Variants in CCDC13 observed in about 807,000 individuals in gnomAD.
CCDC13 encodes the protein coiled-coil domain-containing protein 13.
In CCDC13, 70 loss-of-function variants were observed where a neutral mutation model predicts 87.3. That is an observed-to-expected ratio of 0.80 (90% CI 0.66 to 0.98). CCDC13 has a LOEUF of 0.98. CCDC13 is among the 50% of genes least tolerant of loss of function. CCDC13 has a pLI of 0.00. For synonymous variants in CCDC13, 317 were observed against 360.3 expected, an observed-to-expected ratio of 0.88 and a Z score of 1.36; for missense variants, 842 against 892.0, an observed-to-expected ratio of 0.94 and a Z score of 0.71.
In CCDC13 at chr3:42,730,379, T is replaced by C. The variant is rs2125881286; in HGVS notation, c.1718+88A>G. The C allele has an allele frequency of 2.6e-6, 4 of 1,541,296 alleles. No individual in the cohort carries two copies. In the East Asian group the frequency reaches 6.9e-5, roughly 27 times the overall value. Reference sequence around the variant, plus strand: ...CAACACTGGGAGCCGAGCTCTCAGGTGAGGAGGACCCAGTCATAAATGAGG... The same window carrying C: ...CAACACTGGGAGCCGAGCTCTCAGGCGAGGAGGACCCAGTCATAAATGAGG... On this transcript the variant is annotated intron_variant, in intron 13 of 15. Transcript: ENST00000310232.
chr3:42,712,683 G>A (rs1339819750), intron 14 of CCDC13, among the ~76,000 whole-genome samples: 1 of 152,164 alleles, frequency 6.6e-6, no homozygotes, highest in Non-Finnish European at 1.5e-5. Context: ...TGAGAACAGT[G>A]GAGCCACAAA....
At chr3:42,704,216 GTA>G (rs1698112830), downstream of CCDC13, 1 of 152,354 alleles carries the variant, frequency 6.6e-6, no homozygotes, top group Non-Finnish European at 1.5e-5. Flanking sequence ...AGGAAGCCAA[GTA>G]GTTGGATCAG....
In CCDC13 at chr3:42,730,506, C is replaced by G. The variant is rs1203828378; in HGVS notation, c.1679G>C (p.Arg560Pro). ...KALWQAAEVE[R>P]DRLTEFVTVL... ...AGTGACAAACTCGGTGAGCCGGTCA[C>G]GCTCCACCTCGGCAGCCTGCCAGAG... The change falls in exon 13 of 16, where the codon CGT becomes CCT. Residue 560 changes from arginine to proline, a missense_variant. Coordinates refer to ENST00000310232, the MANE Select transcript of CCDC13 (RefSeq NM_144719.4). 6.2e-7 allele frequency: 1 copy of G among 1,614,030 alleles called. No homozygotes were observed. The highest frequency in any genetic ancestry group is 1.3e-5 in the African/African-American group (1 of 74,934).
At chr3:42,729,112 C>T (rs1010945633) in intron 13 of CCDC13, among the ~76,000 whole-genome samples, 2 of 152,206 alleles carry the variant, frequency 1.3e-5, no homozygotes, top group African/African-American at 2.4e-5. Flanking sequence ...TGAGAAAGCA[C>T]AAACCATTGT....
intron 9 of CCDC13, among the ~76,000 whole-genome samples, chr3:42,736,711 G>A (rs891067091): frequency 6.6e-6 from 1 of 152,062 alleles, no homozygotes; most frequent in Admixed American, 6.6e-5. Context: ...ATCATGTAAA[G>A]TGATCATGAA....
chr3:42,729,248 G>C (rs1354039734), intron 13 of CCDC13, among the ~76,000 whole-genome samples: 2 of 152,160 alleles, frequency 1.3e-5, no homozygotes, highest in African/African-American at 4.8e-5. Flanking sequence ...CATTGAGTAT[G>C]TTTCTACTAC....
intron 10 of CCDC13, 115 bp downstream of exon 10, chr3:42,735,592 G>A (rs1698982234): frequency 4.6e-6 from 5 of 1,097,814 alleles, no homozygotes; most frequent in Admixed American, 3.7e-5. Flanking sequence ...GGCCAAAGTG[G>A]AGCCAGGAAG....
chr3:42,742,129 A>T (rs1403088641), intron 8 of CCDC13, among the ~76,000 whole-genome samples: 7 of 152,182 alleles, frequency 4.6e-5, no homozygotes, highest in Non-Finnish European at 8.8e-5. Flanking sequence ...TCATCCCCTC[A>T]AACCTTGGGG....
rs1341865735 is a variant in CCDC13, at chr3:42,733,504, C to CT, written c.1476dup (p.Ala493SerfsTer40). 6.2e-7 allele frequency: 1 copy of CT among 1,614,156 alleles called. No individual in the cohort carries two copies. Among genetic ancestry groups the CT allele is most frequent in the Non-Finnish European group, 8.5e-7 (1 of 1,180,036 alleles). On this transcript the variant is annotated frameshift_variant, in exon 11 of 16. Coordinates refer to ENST00000310232, the MANE Select transcript of CCDC13 (RefSeq NM_144719.4). LOFTEE classifies it high-confidence loss of function. ...CCAAGCCTGCCAACATGATCGCCTGCTGAGGCCGGGGACTTGGTCAGGCCT... is the reference window on the plus strand; with the variant it reads ...CCAAGCCTGCCAACATGATCGCCTGCTTGAGGCCGGGGACTTGGTCAGGCCT...
chr3:42,771,625 T>C (rs1700111494), intron 1 of CCDC13, among the ~76,000 whole-genome samples: 1 of 152,064 alleles, frequency 6.6e-6, no homozygotes, highest in South Asian at 2.1e-4. Context: ...CATGGTGGCA[T>C]GTGCCTGTGT....
intron 1 of CCDC13, among the ~76,000 whole-genome samples, chr3:42,761,676 G>A (rs1699834325): frequency 6.6e-6 from 1 of 152,306 alleles, no homozygotes; most frequent in African/African-American, 2.4e-5. Flanking sequence ...AGACTCCTGT[G>A]CAAAAAGCTT....
At chr3:42,744,632 C>T (rs1699336532) in intron 7 of CCDC13, among the ~76,000 whole-genome samples, 1 of 151,486 alleles carries the variant, frequency 6.6e-6, no homozygotes, top group Non-Finnish European at 1.5e-5. Flanking sequence ...AGTGAAACCT[C>T]GTCTCTACTA....
Position 42,758,362 on chromosome 3 carries a change from G to A in CCDC13, c.-6-11C>T. On this transcript the variant is annotated splice_polypyrimidine_tract_variant and intron_variant, in intron 1 of 15. Transcript: ENST00000310232. ...TGCTGCCATCCTGCCCTAGGCATCA[G>A]AAATGAAGCCTCAGCTGAAGCAAAC... 1 of 1,610,826 alleles carries A rather than the reference G, an allele frequency of 6.2e-7. No individual in the cohort carries two copies. The highest frequency in any genetic ancestry group is 8.5e-7 in the Non-Finnish European group (1 of 1,179,592).
chr3:42,764,355 T>TG (rs995326354), intron 1 of CCDC13, among the ~76,000 whole-genome samples: 20 of 152,178 alleles, frequency 1.3e-4, no homozygotes, highest in Admixed American at 8.5e-4. Flanking sequence ...TTCAGATGGA[T>TG]GGGGGGCCTC....
intron 1 of CCDC13, among the ~76,000 whole-genome samples, chr3:42,766,949 C>T (rs557597612): frequency 5.7e-4 from 87 of 152,248 alleles, no homozygotes; most frequent in African/African-American, 2.0e-3. Flanking sequence ...ACAGCTACCA[C>T]CATACTTAGC....
intron 12 of CCDC13, 38 bp downstream of exon 12, chr3:42,732,849 G>GA (rs779679755): frequency 6.6e-7 from 1 of 1,524,486 alleles, no homozygotes; most frequent in South Asian, 1.2e-5. Flanking sequence ...TCAAGAATGG[G>GA]AAAAAACTGT....
At position 42,732,995 on chromosome 3, in the gene CCDC13, T is replaced by A. The variant is rs1168521198; in HGVS notation, c.1512-25A>T. 3 of 1,547,128 alleles carry A rather than the reference T, an allele frequency of 1.9e-6. No homozygotes were observed. The Admixed American group carries it at 5.9e-5, about 31-fold the overall frequency. Reference sequence around the variant, plus strand: ...GCTGTGTAAAGGCGGAAGGGGCCCATCAGCCTGGGAAGGCAGACCAGGCCC... The same window carrying A: ...GCTGTGTAAAGGCGGAAGGGGCCCAACAGCCTGGGAAGGCAGACCAGGCCC... On this transcript the variant is annotated intron_variant, in intron 11 of 15. Coordinates refer to ENST00000310232, the MANE Select transcript of CCDC13 (RefSeq NM_144719.4).
intron 14 of CCDC13, among the ~76,000 whole-genome samples, chr3:42,710,353 T>C (rs1698281435): frequency 6.6e-6 from 1 of 152,068 alleles, no homozygotes; most frequent in Non-Finnish European, 1.5e-5. Flanking sequence ...TAAACCACCA[T>C]GCCCAGCCTG....
chr3:42,729,867 T>C (rs1377517868), intron 13 of CCDC13, among the ~76,000 whole-genome samples: 4 of 152,248 alleles, frequency 2.6e-5, no homozygotes, highest in African/African-American at 4.8e-5. Flanking sequence ...TATTTTTCAG[T>C]GTGGAGGTCA....
Sources: gnomAD v4.1 joint callset for allele counts (sites outside exome capture counted in the v4.1 genomes callset) on GRCh38, gnomAD v4.1.1 for gene constraint, MANE v1.5 for transcripts, NCBI Gene and HGNC (gene_info 2026-07-23, HGNC 2026-07-21) for gene names.